Variants in PDE4B observed in about 807,000 individuals in gnomAD.
The protein encoded by PDE4B is phosphodiesterase 4B.
Under a neutral mutation model 82.2 loss-of-function variants are expected in PDE4B, and 20 were observed. That is an observed-to-expected ratio of 0.24 (90% CI 0.17 to 0.35). The LOEUF (loss-of-function observed/expected upper bound fraction) is 0.35, where lower values mean the gene tolerates loss of function less well. PDE4B is among the 10% of genes least tolerant of loss of function. The probability of loss-of-function intolerance (pLI) is 1.00; values close to 1 mark genes in which losing one functional copy is unlikely to be tolerated. For missense variants in PDE4B, 655 were observed against 907.2 expected, an observed-to-expected ratio of 0.72 and a Z score of 3.57; for synonymous variants, 320 against 318.9, an observed-to-expected ratio of 1.00 and a Z score of -0.04.
intron 3 of PDE4B, among the ~76,000 whole-genome samples, chr1:66,118,675 C>T (rs1645647058): frequency 6.6e-6 from 1 of 151,964 alleles, no homozygotes; most frequent in Non-Finnish European, 1.5e-5. Flanking sequence ...TGTAACAAAC[C>T]TGCATGTTGT....
chr1:66,132,633 A>G (rs1645973170), intron 3 of PDE4B, among the ~76,000 whole-genome samples: 1 of 152,168 alleles, frequency 6.6e-6, no homozygotes, highest in African/African-American at 2.4e-5. Context: ...AGGAAGTTAG[A>G]CATGAAGGCC....
At chr1:66,352,471 T>G (rs547437799) in intron 8 of PDE4B, among the ~76,000 whole-genome samples, 88 of 152,270 alleles carry the variant, frequency 5.8e-4, no homozygotes, top group Admixed American at 2.5e-3. Flanking sequence ...CCCAACAGGG[T>G]CCTGTGGCAA....
chr1:66,265,706 T>C (rs1654983862), intron 6 of PDE4B, among the ~76,000 whole-genome samples: 2 of 133,842 alleles, frequency 1.5e-5, no homozygotes, highest in Admixed American at 7.4e-5. Context: ...TTTCGAGTGA[T>C]GCCTGAGCAA....
intron 1 of PDE4B, among the ~76,000 whole-genome samples, chr1:65,841,211 T>C (rs1646202733): frequency 6.6e-6 from 1 of 152,078 alleles, no homozygotes; most frequent in South Asian, 2.1e-4. Context: ...GGCATGAGAC[T>C]TGCTTTAACC....
chr1:66,086,043 A>G (rs1656989625), intron 3 of PDE4B, among the ~76,000 whole-genome samples: 1 of 152,152 alleles, frequency 6.6e-6, no homozygotes. Flanking sequence ...TAGGAAACCT[A>G]TGCAATCCCA....
At chr1:66,306,496 G>A (rs1658288937) in intron 7 of PDE4B, among the ~76,000 whole-genome samples, 1 of 152,098 alleles carries the variant, frequency 6.6e-6, no homozygotes, top group Non-Finnish European at 1.5e-5. Flanking sequence ...CTGCCAACTG[G>A]TGGGTTGTAG....
intron 3 of PDE4B, among the ~76,000 whole-genome samples, chr1:66,051,405 C>T (rs927896040): frequency 1.3e-5 from 2 of 152,066 alleles, no homozygotes; most frequent in South Asian, 4.1e-4. Context: ...TCAAACCCTG[C>T]TCCATGGAGT....
intron 1 of PDE4B, among the ~76,000 whole-genome samples, chr1:65,897,260 TAC>T (rs958940635): frequency 6.6e-6 from 1 of 152,158 alleles, no homozygotes; most frequent in African/African-American, 2.4e-5. Context: ...ACCTTACCTG[TAC>T]ACAGATATAT....
intron 1 of PDE4B, among the ~76,000 whole-genome samples, chr1:65,798,849 C>A (rs557640781): frequency 3.0e-4 from 45 of 151,960 alleles, no homozygotes; most frequent in Admixed American, 7.9e-4. Context: ...CAAATCATAC[C>A]CTGTCTGTAG....
At chr1:65,801,895 TA>T (rs1392673295) in intron 1 of PDE4B, among the ~76,000 whole-genome samples, 1 of 152,194 alleles carries the variant, frequency 6.6e-6, no homozygotes, top group Non-Finnish European at 1.5e-5. Context: ...AGAAATACTT[TA>T]AAAGGAGGAG....
chr1:65,830,714 A>C (rs1448653388), intron 1 of PDE4B, among the ~76,000 whole-genome samples: 3 of 152,216 alleles, frequency 2.0e-5, no homozygotes, highest in Non-Finnish European at 4.4e-5. Flanking sequence ...AGAGCATGGT[A>C]AGGAGACATG....
At chr1:65,919,388 T>G (rs1351721905) in intron 3 of PDE4B, among the ~76,000 whole-genome samples, 1 of 152,228 alleles carries the variant, frequency 6.6e-6, no homozygotes, top group Non-Finnish European at 1.5e-5. Flanking sequence ...AAGAGGCTAT[T>G]TTAAACCAGT....
At chr1:66,206,983 G>A (rs1017457794) in intron 3 of PDE4B, among the ~76,000 whole-genome samples, 4 of 152,118 alleles carry the variant, frequency 2.6e-5, no homozygotes, top group Non-Finnish European at 5.9e-5. Context: ...TTTTCCCCAG[G>A]CAAAACATCC....
At chr1:66,103,008 C>A (rs562838535) in intron 3 of PDE4B, among the ~76,000 whole-genome samples, 7 of 152,126 alleles carry the variant, frequency 4.6e-5, no homozygotes, top group Non-Finnish European at 8.8e-5. Context: ...TTTATGAAAA[C>A]AGTATTTTTT....
At chr1:66,013,314 A>G (rs1652592301) in intron 3 of PDE4B, among the ~76,000 whole-genome samples, 1 of 152,166 alleles carries the variant, frequency 6.6e-6, no homozygotes, top group African/African-American at 2.4e-5. Flanking sequence ...GCCAGTGGAC[A>G]GGCAGTTTTT....
At chr1:66,187,223 G>T (rs972098017) in intron 3 of PDE4B, among the ~76,000 whole-genome samples, 2 of 151,884 alleles carry the variant, frequency 1.3e-5, no homozygotes, top group African/African-American at 4.8e-5. Context: ...TGTGCTGCTG[G>T]ATTCAGTTTG....
chr1:66,266,575 A>G, intron 7 of PDE4B: 1 of 400,932 alleles, frequency 2.5e-6, no homozygotes, highest in Non-Finnish European at 5.0e-6. Flanking sequence ...CCAGGTCACG[A>G]ATCATTTCTT....
chr1:66,209,677 A>C (rs1347872824), intron 3 of PDE4B, among the ~76,000 whole-genome samples: 3 of 152,180 alleles, frequency 2.0e-5, no homozygotes, highest in Admixed American at 6.5e-5. Flanking sequence ...GCCCTTTTGC[A>C]GTCTCTCTTA....
chr1:66,227,652 G>T (rs1392488156), intron 3 of PDE4B, among the ~76,000 whole-genome samples: 1 of 152,100 alleles, frequency 6.6e-6, no homozygotes, highest in African/African-American at 2.4e-5. Flanking sequence ...TACAAACACA[G>T]ATTTATTTTT....
Sources: allele counts gnomAD v4.1 joint callset (sites outside exome capture counted in the v4.1 genomes callset), GRCh38; gene constraint gnomAD v4.1.1; transcripts MANE v1.5; gene names NCBI Gene and HGNC (gene_info 2026-07-23, HGNC 2026-07-21).